Variants in UNG observed in about 807,000 individuals in gnomAD.
The protein encoded by UNG is uracil DNA glycosylase, also known as uracil-DNA glycosylase.
In UNG, 34 loss-of-function variants were observed where a neutral mutation model predicts 36.5. That is an observed-to-expected ratio of 0.93 (90% confidence interval 0.71 to 1.24). The LOEUF (loss-of-function observed/expected upper bound fraction) is 1.24. UNG is among the 50% of genes most tolerant of loss of function. UNG has a pLI of 0.00. For missense variants in UNG, 391 were observed against 397.6 expected, an observed-to-expected ratio of 0.98 and a Z score of 0.14; for synonymous variants, 172 against 157.8, an observed-to-expected ratio of 1.09 and a Z score of -0.67.
At chr12:109,099,442 CTT>C in intron 3 of UNG, 158 bp downstream of exon 3, 2 of 679,776 alleles carry the variant, frequency 2.9e-6, no homozygotes, top group Non-Finnish European at 5.2e-6. Flanking sequence ...TGTATTTACT[CTT>C]TTTAATGTTT....
At chr12:109,105,793 C>T (rs1179582373) in intron 6 of UNG, among the ~76,000 whole-genome samples, 1 of 152,234 alleles carries the variant, frequency 6.6e-6, no homozygotes, top group Non-Finnish European at 1.5e-5. Flanking sequence ...AAATCTACCC[C>T]TGCCTGACCA....
chr12:109,097,999 A>C, intron 1 of UNG, 188 bp downstream of exon 1: 1 of 1,262,276 alleles, frequency 7.9e-7, no homozygotes, highest in Non-Finnish European at 1.0e-6. Context: ...GGGCCAGCCA[A>C]TGGGAACGCG....
In UNG at chr12:109,110,791, T is replaced by A. The variant is rs2042257310; in HGVS notation, c.*822T>A. The A allele has an allele frequency of 6.6e-6, 1 of 152,096 alleles. No homozygotes were observed. Among genetic ancestry groups the A allele is most frequent in the Non-Finnish European group, 1.5e-5 (1 of 68,026 alleles). 9.4% of individuals were successfully genotyped at this position (152,096 alleles called of 1,614,324 possible). ...GAAATCACTTTGGGATATTTTTTCC[T>A]GCAACACTGGAAAGTTTTAGTTTTT... On this transcript the variant is annotated 3_prime_UTR_variant, in exon 7 of 7. Coordinates refer to ENST00000242576, the MANE Select transcript of UNG (RefSeq NM_080911.3).
rs369814197 is a variant in UNG, at chr12:109,098,633, A to G, written c.334A>G (p.Ile112Val). 1.2e-6 allele frequency: 2 copies of G among 1,613,534 alleles called. No homozygotes were observed. Among genetic ancestry groups the G allele is most frequent in the Non-Finnish European group, 8.5e-7 (1 of 1,180,036 alleles). The change falls in exon 2 of 7, where the codon ATC becomes GTC. Residue 112 changes from isoleucine to valine, a missense_variant. Transcript: ENST00000242576. Reference sequence around the variant, plus strand: ...CGGGGAGTTCGGGAAACCGTATTTTATCAAGGTAAATATGGAAATGCACCT... The same window carrying G: ...CGGGGAGTTCGGGAAACCGTATTTTGTCAAGGTAAATATGGAAATGCACCT... Reference protein sequence around the residue: ...LSGEFGKPYFIKLMGFVAEER... With the variant: ...LSGEFGKPYFVKLMGFVAEER...
intron 6 of UNG, among the ~76,000 whole-genome samples, chr12:109,106,622 G>T (rs1475548629): frequency 2.0e-5 from 3 of 151,472 alleles, no homozygotes; most frequent in Non-Finnish European, 2.9e-5. Context: ...ATTCTGGCCG[G>T]GTGTGGTGGC....
rs1196591973 is a variant in UNG, at chr12:109,102,795, T to C, written c.534-44T>C. The C allele has an allele frequency of 2.0e-6, 3 of 1,499,694 alleles. No homozygotes were observed. In the Admixed American group the frequency reaches 5.0e-5, roughly 25 times the overall value. The allele number at this position is 1,499,694 out of a possible 1,614,324, so 92.9% of individuals were successfully genotyped here. A position where few individuals can be genotyped will look rare whatever the true frequency, so the allele number is the denominator to read the frequency against. On this transcript the variant is annotated intron_variant, in intron 4 of 6. Transcript: ENST00000242576. Reference sequence around the variant, plus strand: ...AGACGTTACTGAGCTTTCAAAATTATGCTTAAGATTCTGTTTTTTGTTTTT... The same window carrying C: ...AGACGTTACTGAGCTTTCAAAATTACGCTTAAGATTCTGTTTTTTGTTTTT...
chr12:109,099,003 A>C (rs1030138065), intron 2 of UNG, among the ~76,000 whole-genome samples, 186 bp from the exon 3 acceptor site: 2 of 152,170 alleles, frequency 1.3e-5, no homozygotes, highest in Admixed American at 6.5e-5. Context: ...CAAGGAATTG[A>C]CCTGATTGAA....
intron 6 of UNG, chr12:109,104,985 C>G (rs1012656463): frequency 3.3e-5 from 5 of 152,156 alleles, no homozygotes; most frequent in African/African-American, 9.7e-5. Context: ...ATGATCTCGG[C>G]TCACTGCAAC....
intron 1 of UNG, 43 bp from the exon 2 acceptor site, chr12:109,098,389 G>GA (rs772820924): frequency 1.2e-6 from 2 of 1,601,724 alleles, no homozygotes; most frequent in Non-Finnish European, 1.7e-6. Flanking sequence ...CTGGGAAGGG[G>GA]CCGCTGCAGC....
intron 6 of UNG, among the ~76,000 whole-genome samples, chr12:109,103,941 T>G (rs2042197986): frequency 6.6e-6 from 1 of 152,230 alleles, no homozygotes; most frequent in Admixed American, 6.5e-5. Context: ...TGAGGCATGT[T>G]TCTGGCTTCC....
chr12:109,098,003 G>A, intron 1 of UNG, 192 bp downstream of exon 1: 1 of 1,272,532 alleles, frequency 7.9e-7, no homozygotes, highest in South Asian at 1.7e-5. Flanking sequence ...CAGCCAATGG[G>A]AACGCGTCTC....
intron 6 of UNG, among the ~76,000 whole-genome samples, chr12:109,109,330 A>G (rs2042242038): frequency 1.3e-5 from 2 of 152,192 alleles, no homozygotes; most frequent in African/African-American, 2.4e-5. Context: ...TTTGCATCTC[A>G]GAGCCTAGCA....
chr12:109,100,034 C>T (rs962113030), intron 3 of UNG, among the ~76,000 whole-genome samples: 2 of 152,032 alleles, frequency 1.3e-5, no homozygotes, highest in African/African-American at 4.8e-5. Context: ...TTCACTCCAG[C>T]GTGGGCGACA....
intron 1 of UNG, chr12:109,098,148 G>A (rs1419143437): frequency 7.2e-7 from 1 of 1,389,032 alleles, no homozygotes; most frequent in Non-Finnish European, 9.3e-7. Context: ...GGTGGGGCGG[G>A]TCTGGCGGGG....
chr12:109,098,331 G>A, intron 1 of UNG, 101 bp from the exon 2 acceptor site: 1 of 1,599,900 alleles, frequency 6.3e-7, no homozygotes, highest in East Asian at 2.2e-5. Flanking sequence ...CCACAAATGG[G>A]CGTCTTCTGC....
chr12:109,103,074 C>T (rs2042190527), intron 5 of UNG, 147 bp downstream of exon 5: 2 of 688,082 alleles, frequency 2.9e-6, no homozygotes, highest in Non-Finnish European at 2.5e-6. Flanking sequence ...GCCTCAGCCT[C>T]CTGAGTAGCT....
rs1177238573 is a variant in UNG at position 109,097,637 on chromosome 12, C to T, written c.-43C>T. The T allele has an allele frequency of 1.5e-5, 24 of 1,593,728 alleles. No individual in the cohort carries two copies. Among genetic ancestry groups the T allele is most frequent in the Non-Finnish European group, 2.0e-5 (23 of 1,170,152 alleles). On this transcript the variant is annotated 5_prime_UTR_variant, in exon 1 of 7. Transcript: ENST00000242576. ...CAGCCACAGCCAGGGCTAGCCTCGCCGGTTCCCGGGTGGCGCGCGTTCGCT... is the reference window on the plus strand; with the variant it reads ...CAGCCACAGCCAGGGCTAGCCTCGCTGGTTCCCGGGTGGCGCGCGTTCGCT...
Position 109,110,121 on chromosome 12 carries a change from G to A in UNG, c.*152G>A. ...GCCATGAACCAGGCTGTCCAGGAAT[G>A]GCAGCTGTATCCAACCACAAACAAC... is the stretch of plus-strand genomic sequence containing the variant. On this transcript the variant is annotated 3_prime_UTR_variant, in exon 7 of 7. Transcript: ENST00000242576. 1 of 1,027,136 alleles carries A rather than the reference G, an allele frequency of 9.7e-7. No homozygotes were observed. Among genetic ancestry groups the A allele is most frequent in the Non-Finnish European group, 1.4e-6 (1 of 694,236 alleles). The allele number at this position is 1,027,136 out of a possible 1,614,324, so 63.6% of individuals were successfully genotyped here.
chr12:109,109,197 T>G (rs1160827302), intron 6 of UNG, among the ~76,000 whole-genome samples: 2 of 152,192 alleles, frequency 1.3e-5, no homozygotes, highest in Admixed American at 6.5e-5. Flanking sequence ...TTTATCTGTG[T>G]GTGTATGCAT....
Sources: allele counts gnomAD v4.1 joint callset (sites outside exome capture counted in the v4.1 genomes callset), GRCh38; gene constraint gnomAD v4.1.1; transcripts MANE v1.5; gene names NCBI Gene and HGNC (gene_info 2026-07-23, HGNC 2026-07-21).